NRL: variants seen among roughly 807,000 people sequenced by gnomAD.
NRL encodes the protein neural retina-specific leucine zipper protein.
A neutral mutation model predicts 12.5 loss-of-function variants in NRL; 16 were observed. The ratio of observed to expected loss-of-function variants is 1.28; its 90% CI spans 0.87 to 1.95. NRL has a LOEUF of 1.95. Ranked by LOEUF, NRL falls within the 30% of genes most tolerant of loss-of-function variation. The pLI is 0.00. For synonymous variants in NRL, 142 were observed against 150.9 expected (o/e 0.94, Z 0.43); for missense variants, 314 against 325.8 (o/e 0.96, Z 0.28).
intron 1 of NRL, chr14:24,098,152 A>T: frequency 6.6e-7 from 1 of 1,523,270 alleles, no homozygotes; most frequent in Non-Finnish European, 8.9e-7. Context: ...GGGTCTAGGG[A>T]CAAGGGAAAC....
chr14:24,114,684 C>CGAG, intron 1 of NRL, 38 bp downstream of exon 1: 1 of 986,004 alleles, frequency 1.0e-6, no homozygotes, highest in Non-Finnish European at 1.2e-6. Flanking sequence ...TGTGCACTTT[C>CGAG]TCCTCCCCTC....
intron 1 of NRL, chr14:24,103,373 C>G: frequency 1.7e-6 from 2 of 1,143,878 alleles, no homozygotes; most frequent in Non-Finnish European, 2.6e-6. Flanking sequence ...CCCACCTCTT[C>G]CCACTTCTAT....
rs982696457 is a variant in NRL at position 24,094,803 on chromosome 14, G to A, written c.-27-11928C>T. ...GACCTCTAACGGGCTCTCAGCCAGCGCCCCAGGGTACTTCGAGAGGCAGCA... is the reference window on the plus strand; with the variant it reads ...GACCTCTAACGGGCTCTCAGCCAGCACCCCAGGGTACTTCGAGAGGCAGCA... On this transcript the variant is annotated intron_variant, in intron 1 of 2. Coordinates refer to ENST00000561028, the MANE Select transcript of NRL (RefSeq NM_001354768.3). This position sits in a 1 kb window ranked among gnomAD's most constrained non-coding sequence, Gnocchi z 4.1. 1.7e-5 allele frequency: 23 copies of A among 1,354,800 alleles called. No individual in the cohort carries two copies. The highest frequency in any genetic ancestry group is 8.8e-5 in the Admixed American group (4 of 45,312). 83.9% of individuals were successfully genotyped at this position (1,354,800 alleles called of 1,614,324 possible).
At chr14:24,099,625 G>A (rs1461038183) in intron 1 of NRL, 2 of 1,613,938 alleles carry the variant, frequency 1.2e-6, no homozygotes, top group Admixed American at 1.7e-5. Context: ...AGTGCCTGTG[G>A]CAAGACCAAC....
chr14:24,113,518 T>C (rs2037460006), intron 1 of NRL, among the ~76,000 whole-genome samples: 1 of 152,220 alleles, frequency 6.6e-6, no homozygotes. Context: ...GCACAGATAG[T>C]AAGTAATCTG....
chr14:24,104,015 G>T (rs781373066), intron 1 of NRL: 2 of 1,350,512 alleles, frequency 1.5e-6, no homozygotes, highest in South Asian at 1.2e-5. Flanking sequence ...CTGGGAATAG[G>T]GAAGGCACCT....
intron 1 of NRL, chr14:24,096,953 C>A: frequency 6.2e-7 from 1 of 1,613,322 alleles, no homozygotes; most frequent in Non-Finnish European, 8.5e-7. Flanking sequence ...CCAGACCCTG[C>A]GAGTGCTTAG....
chr14:24,081,213 C>T lies in NRL; in HGVS notation c.*23G>A, dbSNP rs1435516339. 2.8e-6 allele frequency: 4 copies of T among 1,428,056 alleles called. No individual in the cohort carries two copies. Among genetic ancestry groups the T allele is most frequent in the Non-Finnish European group, 3.7e-6 (4 of 1,085,408 alleles). The allele number at this position is 1,428,056 out of a possible 1,614,324, so 88.5% of individuals were successfully genotyped here. On this transcript the variant is annotated 3_prime_UTR_variant, in exon 3 of 3. Coordinates refer to ENST00000561028, the MANE Select transcript of NRL (RefSeq NM_001354768.3). This position sits in a 1 kb window ranked among gnomAD's most constrained non-coding sequence, Gnocchi z 4.4. ...GAGCCACCCCACCCAGCCCCCACTA[C>T]ACCACAAGGTGCTCTGAACGGCTCA...
chr14:24,094,552 C>CTGA lies in NRL; in HGVS notation c.-27-11678_-27-11677insTCA. On this transcript the variant is annotated intron_variant, in intron 1 of 2. Coordinates refer to ENST00000561028, the MANE Select transcript of NRL (RefSeq NM_001354768.3). This position sits in a 1 kb window ranked among gnomAD's most constrained non-coding sequence, Gnocchi z 4.1. ...CCAGGTTTCCCATCCTAGGCGGAGG[C>CTGA]GGGCAGGGGCGACTGCTGTGGGTCC... 1.4e-6 allele frequency: 2 copies of CTGA among 1,437,854 alleles called. No individual in the cohort carries two copies. The highest frequency in any genetic ancestry group is 1.8e-6 in the Non-Finnish European group (2 of 1,100,448). 89.1% of individuals were successfully genotyped at this position (1,437,854 alleles called of 1,614,324 possible). A position where few individuals can be genotyped will look rare whatever the true frequency, so the allele number is the denominator to read the frequency against.
At chr14:24,110,119 CTTTT>C (rs563374411) in intron 1 of NRL, among the ~76,000 whole-genome samples, 1 of 146,254 alleles carries the variant, frequency 6.8e-6, no homozygotes, top group Non-Finnish European at 1.5e-5. Context: ...TATTATTATA[CTTTT>C]TTTTTTTTTC....
chr14:24,094,913 C>A lies in NRL; in HGVS notation c.-27-12038G>T. 8.6e-7 allele frequency: 1 copy of A among 1,159,022 alleles called. No homozygotes were observed. The highest frequency in any genetic ancestry group is 1.1e-6 in the Non-Finnish European group (1 of 872,408). 71.8% of individuals were successfully genotyped at this position (1,159,022 alleles called of 1,614,324 possible). A position where few individuals can be genotyped will look rare whatever the true frequency, so the allele number is the denominator to read the frequency against. The stretch of plus-strand genomic sequence containing the variant: ...AGGTGGAAGGTTAAATATCCATTCC[C>A]GGCCTCTCCCGGACTGGAAGGACTG... On this transcript the variant is annotated intron_variant, in intron 1 of 2. Transcript: ENST00000561028. The surrounding 1 kb of genome is among the most constrained non-coding windows in gnomAD (Gnocchi z 4.1).
chr14:24,099,453 AT>A (rs1174239848), intron 1 of NRL: 2 of 1,153,432 alleles, frequency 1.7e-6, no homozygotes, highest in African/African-American at 3.1e-5. Flanking sequence ...TATATAGTTA[AT>A]AAACATTGGT....
At chr14:24,103,575 C>T (rs1231574264) in intron 1 of NRL, 1 of 1,599,834 alleles carries the variant, frequency 6.3e-7, no homozygotes, top group Non-Finnish European at 8.5e-7. Context: ...CGGGCACTAC[C>T]TGGAACACTG....
intron 1 of NRL, chr14:24,103,324 C>A: frequency 7.4e-7 from 1 of 1,345,662 alleles, no homozygotes; most frequent in Non-Finnish European, 1.1e-6. Flanking sequence ...CTTCCTGAGC[C>A]AGACCTTCCT....
At position 24,098,350 on chromosome 14, in the gene NRL, G is replaced by A. The variant is rs1245215023; in HGVS notation, c.-27-15475C>T. On this transcript the variant is annotated intron_variant, in intron 1 of 2. Transcript: ENST00000561028. ...ACTGGATGTCCCCAGCTGATTTCCA[G>A]CGAGCTGTGGATGAGAGGTTTCCAG... 3.7e-6 allele frequency: 6 copies of A among 1,613,444 alleles called. No individual in the cohort carries two copies. In the African/African-American group the frequency reaches 5.3e-5, roughly 14 times the overall value.
In NRL at chr14:24,079,208, C is replaced by T. The variant is rs1007913025; in HGVS notation, c.*2028G>A. ...TGTATATGTGGCCTAGTTGTGTGCT[C>T]AGGTGTCTATGGATGGTTCTGTCTG... On this transcript the variant is annotated 3_prime_UTR_variant, in exon 3 of 3. Coordinates refer to ENST00000561028, the MANE Select transcript of NRL (RefSeq NM_001354768.3). 2.0e-5 allele frequency among the ~76,000 whole-genome samples: 3 copies of T among 152,118 alleles called. No homozygotes were observed. The highest frequency in any genetic ancestry group is 4.4e-5 in the Non-Finnish European group (3 of 68,030).
intron 1 of NRL, chr14:24,084,736 T>C: frequency 1.0e-6 from 1 of 984,386 alleles, no homozygotes; most frequent in South Asian, 4.7e-5. Context: ...CATTTGCATA[T>C]CTTATTGGCC....
chr14:24,104,489 A>G (rs1360262909), intron 1 of NRL, among the ~76,000 whole-genome samples: 1 of 148,438 alleles, frequency 6.7e-6, no homozygotes, highest in Non-Finnish European at 1.5e-5. Context: ...AAAAAAAAAA[A>G]TTAACCGGGA....
chr14:24,090,042 T>C (rs78487826), intron 1 of NRL, among the ~76,000 whole-genome samples: 2,645 of 152,066 alleles, frequency 0.017, 66 homozygotes, highest in African/African-American at 0.057. Flanking sequence ...GGCTTTATTC[T>C]AAGAGCAGGG....
Sources: gnomAD v4.1 joint callset for allele counts (sites outside exome capture counted in the v4.1 genomes callset) on GRCh38, gnomAD v4.1.1 for gene constraint, Gnocchi (gnomAD v3.1) non-coding constraint, MANE v1.5 for transcripts, NCBI Gene and HGNC (gene_info 2026-07-23, HGNC 2026-07-21) for gene names.